The following RIMS1 variants were observed in gnomAD, a reference collection of about 807,000 sequenced individuals.
RIMS1 encodes regulating synaptic membrane exocytosis protein 1.
In RIMS1, 83 loss-of-function variants were observed where a neutral mutation model predicts 214.1. The observed-to-expected ratio is 0.39, with a 90% CI of 0.32 to 0.47. RIMS1 has a LOEUF of 0.47. Ranked by LOEUF, RIMS1 falls within the 20% of genes least tolerant of loss-of-function variation. The pLI is 0.99. For missense variants in RIMS1, 2,050 were observed against 2,161.8 expected, an observed-to-expected ratio of 0.95 and a Z score of 1.03; for synonymous variants, 793 against 786.8, an observed-to-expected ratio of 1.01 and a Z score of -0.13.
intron 28 of RIMS1, among the ~76,000 whole-genome samples, chr6:72,321,949 A>G (rs890339416): frequency 1.3e-5 from 2 of 152,120 alleles, no homozygotes; most frequent in Admixed American, 6.6e-5. Flanking sequence ...GTGTTTACTC[A>G]CCTCAATTTT....
At chr6:71,946,617 A>T (rs1250403817) in intron 1 of RIMS1, among the ~76,000 whole-genome samples, 3 of 152,200 alleles carry the variant, frequency 2.0e-5, no homozygotes. Flanking sequence ...TTCACACCAT[A>T]TACAAAAATC....
At position 72,252,845 on chromosome 6, in the gene RIMS1, G is replaced by A. The variant is rs1257218318; in HGVS notation, c.2770+13G>A. ...GTAGTTCCTCCAGGTGCGTGGGTGA[G>A]GAGCATGACCCTGCTTCACTGTGCT... On this transcript the variant is annotated intron_variant, in intron 16 of 33. Transcript: ENST00000521978. 2 of 1,547,356 alleles carry A rather than the reference G, an allele frequency of 1.3e-6. No individual in the cohort carries two copies. Among genetic ancestry groups the A allele is most frequent in the South Asian group, 1.2e-5 (1 of 84,032 alleles).
At chr6:72,083,418 GTATCTTCTGGAGT>G (rs1833901716) in intron 2 of RIMS1, among the ~76,000 whole-genome samples, 2 of 152,004 alleles carry the variant, frequency 1.3e-5, no homozygotes, top group Admixed American at 1.3e-4. Flanking sequence ...ACCAGTGGTT[GTATCTTCTGGAGT>G]TTCCACAAAA....
At chr6:72,237,229 GA>G (rs200431992) in intron 8 of RIMS1, among the ~76,000 whole-genome samples, 98 of 118,304 alleles carry the variant, frequency 8.3e-4, no homozygotes, top group African/African-American at 1.3e-3. Context: ...GAGAGAGAGA[GA>G]AAAAAAAAAG....
At chr6:72,019,482 G>C (rs1048386787) in intron 2 of RIMS1, among the ~76,000 whole-genome samples, 1 of 152,122 alleles carries the variant, frequency 6.6e-6, no homozygotes, top group South Asian at 2.1e-4. Flanking sequence ...AAAAACCTTT[G>C]CAGGTGTTAT....
chr6:72,318,951 T>A (rs1197737850), intron 28 of RIMS1, among the ~76,000 whole-genome samples: 1 of 152,190 alleles, frequency 6.6e-6, no homozygotes, highest in Non-Finnish European at 1.5e-5. Context: ...AGTGAAAGGA[T>A]TTTTTAGAAT....
chr6:72,179,185 GT>G (rs1449090180), intron 4 of RIMS1, among the ~76,000 whole-genome samples: 1 of 152,044 alleles, frequency 6.6e-6, no homozygotes, highest in Non-Finnish European at 1.5e-5. Context: ...TGATTCTGTA[GT>G]TCCTGGTAAC....
At chr6:72,098,145 A>T (rs1184846904) in intron 3 of RIMS1, among the ~76,000 whole-genome samples, 1 of 152,138 alleles carries the variant, frequency 6.6e-6, no homozygotes, top group African/African-American at 2.4e-5. Flanking sequence ...CCCTCTTGAT[A>T]TTTCTCTATT....
chr6:72,394,112 G>C (rs2789598), intron 31 of RIMS1, among the ~76,000 whole-genome samples: 39,144 of 151,682 alleles, frequency 0.26, 5,279 homozygotes, highest in Middle Eastern at 0.32. Context: ...GATAGCAAAG[G>C]AAGAACTAAA....
At chr6:72,272,833 C>A (rs559608845) in intron 22 of RIMS1, among the ~76,000 whole-genome samples, 7 of 152,200 alleles carry the variant, frequency 4.6e-5, no homozygotes, top group African/African-American at 1.7e-4. Flanking sequence ...CGTCGTAATT[C>A]TTTTCCAATT....
At chr6:72,282,341 A>C (rs545017123) in intron 23 of RIMS1, among the ~76,000 whole-genome samples, 2 of 152,180 alleles carry the variant, frequency 1.3e-5, no homozygotes, top group African/African-American at 4.8e-5. Context: ...CATTCCCAAC[A>C]ACCATGTCTC....
intron 23 of RIMS1, among the ~76,000 whole-genome samples, chr6:72,277,902 ATATAT>A (rs2087501777): frequency 6.6e-6 from 1 of 152,188 alleles, no homozygotes; most frequent in South Asian, 2.1e-4. Flanking sequence ...TTTAGAAAAA[ATATAT>A]TTTAATATGG....
intron 22 of RIMS1, among the ~76,000 whole-genome samples, chr6:72,270,591 A>G (rs1334528862): frequency 6.6e-6 from 1 of 152,202 alleles, no homozygotes; most frequent in Non-Finnish European, 1.5e-5. Context: ...AGTACTTTGA[A>G]CAGAATTGAA....
At chr6:72,395,827 G>C (rs972807301) in intron 31 of RIMS1, among the ~76,000 whole-genome samples, 1 of 151,632 alleles carries the variant, frequency 6.6e-6, no homozygotes, top group Non-Finnish European at 1.5e-5. Flanking sequence ...TCATAACAAA[G>C]TATATGAATG....
intron 2 of RIMS1, among the ~76,000 whole-genome samples, chr6:72,051,878 T>G (rs1329047702): frequency 6.6e-6 from 1 of 152,198 alleles, no homozygotes; most frequent in Non-Finnish European, 1.5e-5. Flanking sequence ...TTTTTCAATT[T>G]AGTACACCCA....
rs116679403 is a variant in RIMS1 at position 71,944,875 on chromosome 6, A to G, written c.165-24108A>G. ...TTTTGACAATGTACCACTGACTTTC[A>G]ATGAATTATTTAGACATTGCGTTGT... is the stretch of plus-strand genomic sequence containing the variant. On this transcript the variant is annotated intron_variant, in intron 1 of 33. Transcript: ENST00000521978. Among the ~76,000 whole-genome samples the G allele has an allele frequency of 5.5e-3, 844 of 152,278 alleles. 6 individuals carry two copies. The highest frequency in any genetic ancestry group is 0.019 in the African/African-American group (800 of 41,550).
chr6:71,917,565 C>G (rs1291097737), intron 1 of RIMS1, among the ~76,000 whole-genome samples: 1 of 152,100 alleles, frequency 6.6e-6, no homozygotes, highest in Non-Finnish European at 1.5e-5. Context: ...AAGAAGGTCA[C>G]CTAGGGCTTG....
intron 24 of RIMS1, among the ~76,000 whole-genome samples, chr6:72,284,877 G>A (rs915707792): frequency 2.0e-5 from 3 of 152,138 alleles, no homozygotes; most frequent in African/African-American, 7.2e-5. Flanking sequence ...GAAAAGTTGT[G>A]CAGTAAGGAT....
chr6:71,952,550 T>C (rs565640398), intron 1 of RIMS1, among the ~76,000 whole-genome samples: 1 of 152,316 alleles, frequency 6.6e-6, no homozygotes, highest in South Asian at 2.1e-4. Context: ...AGGAAGGTGG[T>C]GTCCCCTCAG....
Sources: gnomAD v4.1 joint callset for allele counts (sites outside exome capture counted in the v4.1 genomes callset) on GRCh38, gnomAD v4.1.1 for gene constraint, MANE v1.5 for transcripts, NCBI Gene and HGNC (gene_info 2026-07-23, HGNC 2026-07-21) for gene names.